The following PAK1 variants were observed in gnomAD, a reference collection of about 807,000 sequenced individuals.
The protein encoded by PAK1 is serine/threonine-protein kinase PAK 1.
A neutral mutation model predicts 67.4 loss-of-function variants in PAK1; 29 were observed. That is an observed-to-expected ratio of 0.43 (90% CI 0.32 to 0.59). PAK1 has a LOEUF of 0.59. Among genes scored for constraint, PAK1 ranks in the 20% least tolerant of loss-of-function variants. The pLI, the probability that PAK1 is intolerant of heterozygous loss-of-function variation, is 0.07. For synonymous variants in PAK1, 223 were observed against 237.4 expected, an observed-to-expected ratio of 0.94 and a Z score of 0.56; for missense variants, 337 against 670.7, an observed-to-expected ratio of 0.50 and a Z score of 5.50.
chr11:77,470,643 C>T (rs937804951), intron 1 of PAK1, among the ~76,000 whole-genome samples: 9 of 152,158 alleles, frequency 5.9e-5, no homozygotes, highest in African/African-American at 2.2e-4. Context: ...GGAAGAGAAA[C>T]CTTTGTGTGG....
chr11:77,433,385 A>G (rs1051388133), intron 1 of PAK1, among the ~76,000 whole-genome samples: 5 of 152,248 alleles, frequency 3.3e-5, no homozygotes, highest in Admixed American at 6.5e-5. Flanking sequence ...AATGTCATCA[A>G]GAAAGCAAAA....
the PAK1 span, among the ~76,000 whole-genome samples, chr11:77,529,675 G>A: frequency 2.0e-5 from 3 of 152,144 alleles, no homozygotes; most frequent in Non-Finnish European, 2.9e-5. Flanking sequence ...GACACTCCCA[G>A]ACTACAGAAT....
rs536130288 is a variant in PAK1 at position 77,363,312 on chromosome 11, G to A, written c.478-4295C>T. Among the ~76,000 whole-genome samples, 7 of 152,146 alleles carry A rather than the reference G, an allele frequency of 4.6e-5. No individual in the cohort carries two copies. In the South Asian group the frequency reaches 1.2e-3, roughly 27 times the overall value. On this transcript the variant is annotated intron_variant, in intron 5 of 14. Transcript: ENST00000356341. ...AGAGAGGAGATGAGATGGTAGCCAGGGTGTGCTCACTAAGCATTCTGTCCC... is the reference window on the plus strand; with the variant it reads ...AGAGAGGAGATGAGATGGTAGCCAGAGTGTGCTCACTAAGCATTCTGTCCC...
chr11:77,470,769 AC>A (rs1477008648), intron 1 of PAK1, among the ~76,000 whole-genome samples: 1 of 152,230 alleles, frequency 6.6e-6, no homozygotes, highest in African/African-American at 2.4e-5. Flanking sequence ...GCTTATTTAG[AC>A]TTGCAAAACC....
chr11:77,419,854 C>A (rs943614017), intron 1 of PAK1, among the ~76,000 whole-genome samples: 3 of 151,918 alleles, frequency 2.0e-5, no homozygotes, highest in Non-Finnish European at 1.5e-5. Context: ...GTGGAGTATA[C>A]TTTCAGTAAT....
intron 9 of PAK1, 65 bp from the exon 10 acceptor site, chr11:77,343,996 T>C (rs1198291043): frequency 3.0e-6 from 3 of 999,458 alleles, no homozygotes; most frequent in African/African-American, 3.2e-5. Context: ...ACCTGCTAAG[T>C]ACCAGACCTT....
At chr11:77,449,624 A>G (rs543551244) in intron 1 of PAK1, among the ~76,000 whole-genome samples, 2 of 151,290 alleles carry the variant, frequency 1.3e-5, no homozygotes, top group South Asian at 2.1e-4. Context: ...AAAGCATTAC[A>G]ATGTTTGTGT....
intron 1 of PAK1, among the ~76,000 whole-genome samples, chr11:77,432,087 C>A (rs950524515): frequency 6.6e-6 from 1 of 152,034 alleles, no homozygotes; most frequent in African/African-American, 2.4e-5. Flanking sequence ...TGGTGCTCAA[C>A]AAGTAATTGT....
intron 14 of PAK1, among the ~76,000 whole-genome samples, chr11:77,326,107 T>C (rs1381425956): frequency 2.0e-5 from 3 of 152,168 alleles, no homozygotes; most frequent in Admixed American, 6.5e-5. Context: ...TACTATTAGA[T>C]CACTAGTGGG....
At chr11:77,359,662 G>A (rs1946516742) in intron 5 of PAK1, among the ~76,000 whole-genome samples, 1 of 152,138 alleles carries the variant, frequency 6.6e-6, no homozygotes, top group Admixed American at 6.6e-5. Context: ...ACCCTGGAAT[G>A]GAACTTACCA....
At chr11:77,384,480 A>G (rs1343801040) in intron 2 of PAK1, among the ~76,000 whole-genome samples, 2 of 152,250 alleles carry the variant, frequency 1.3e-5, no homozygotes, top group Non-Finnish European at 2.9e-5. Context: ...TAGCTTATTC[A>G]TAACAGTCAA....
intron 1 of PAK1, among the ~76,000 whole-genome samples, chr11:77,451,977 T>G (rs994839286): frequency 1.3e-5 from 2 of 152,172 alleles, no homozygotes; most frequent in African/African-American, 2.4e-5. Flanking sequence ...TCCCCTACAT[T>G]TATATATATT....
rs1951270457 is a variant in PAK1 at position 77,392,546 on chromosome 11, A to G, written c.-21-5T>C. 2 of 1,564,434 alleles carry G rather than the reference A, an allele frequency of 1.3e-6. No individual in the cohort carries two copies. The highest frequency in any genetic ancestry group is 3.8e-5 in the Admixed American group (2 of 52,894). ...TGTCACCACCAGCAGCAGCTACTAG[A>G]ATCAGAAATAAGAACAATATAACTC... On this transcript the variant is annotated splice_polypyrimidine_tract_variant and splice_region_variant and intron_variant, in intron 1 of 14. Transcript: ENST00000356341.
chr11:77,380,489 T>C (rs1949671203), intron 2 of PAK1, among the ~76,000 whole-genome samples: 1 of 151,942 alleles, frequency 6.6e-6, no homozygotes, highest in South Asian at 2.1e-4. Flanking sequence ...TGAGGCCCTG[T>C]CTCAAAAAAA....
intron 13 of PAK1, 110 bp downstream of exon 13, chr11:77,335,976 C>T: frequency 4.9e-6 from 3 of 611,698 alleles, no homozygotes; most frequent in Non-Finnish European, 8.6e-6. Context: ...CTAGTTGTAT[C>T]CAGAAAAGGG....
chr11:77,344,953 C>CT (rs1944181043), intron 9 of PAK1, among the ~76,000 whole-genome samples: 1 of 152,174 alleles, frequency 6.6e-6, no homozygotes, highest in Non-Finnish European at 1.5e-5. Flanking sequence ...TCCCTGGTAT[C>CT]TAGTCCCCCT....
the PAK1 span, among the ~76,000 whole-genome samples, chr11:77,517,440 T>A: frequency 7.2e-5 from 11 of 152,162 alleles, no homozygotes; most frequent in African/African-American, 2.7e-4. Context: ...CATTCTATTA[T>A]AGGGATGAAG....
At chr11:77,408,532 TACACACACACACAC>T (rs377689850) in intron 1 of PAK1, among the ~76,000 whole-genome samples, 16 of 137,844 alleles carry the variant, frequency 1.2e-4, no homozygotes, top group South Asian at 2.4e-4. Context: ...TATGGAGAAA[TACACACACACACAC>T]ACACACACAC....
the PAK1 span, among the ~76,000 whole-genome samples, chr11:77,492,335 C>CA: frequency 7.5e-6 from 1 of 133,538 alleles, no homozygotes; most frequent in Admixed American, 7.5e-5. Context: ...GACTCCATCT[C>CA]ACAAAAAAAA....
Sources: gnomAD v4.1 joint callset for allele counts (sites outside exome capture counted in the v4.1 genomes callset) on GRCh38, gnomAD v4.1.1 for gene constraint, MANE v1.5 for transcripts, NCBI Gene and HGNC (gene_info 2026-07-23, HGNC 2026-07-21) for gene names.